VSNL1: variants seen among roughly 807,000 people sequenced by gnomAD.
The protein encoded by VSNL1 is visinin-like protein 1.
VSNL1 carries 6 observed loss-of-function variants against 20.4 expected under a neutral mutation model. That is an observed-to-expected ratio of 0.29 (90% confidence interval 0.16 to 0.58). The LOEUF is 0.58. Ranked by LOEUF, VSNL1 falls within the 20% of genes least tolerant of loss-of-function variation. VSNL1 has a pLI of 0.90. For synonymous variants in VSNL1, 93 were observed against 86.4 expected, an observed-to-expected ratio of 1.08 and a Z score of -0.42; for missense variants, 100 against 234.5, an observed-to-expected ratio of 0.43 and a Z score of 3.75.
intron 2 of VSNL1, among the ~76,000 whole-genome samples, chr2:17,625,109 C>T (rs920794860): frequency 6.6e-6 from 1 of 152,138 alleles, no homozygotes; most frequent in Non-Finnish European, 1.5e-5. Flanking sequence ...CAGGGGTTTC[C>T]GCTTTTGCAT....
intron 2 of VSNL1, 125 bp downstream of exon 2, chr2:17,592,361 TC>T: frequency 9.7e-7 from 1 of 1,034,594 alleles, no homozygotes; most frequent in Non-Finnish European, 1.4e-6. Flanking sequence ...CTGTTTTCCA[TC>T]CAGAAAGAAA....
At chr2:17,621,557 C>G (rs1275117530) in intron 2 of VSNL1, among the ~76,000 whole-genome samples, 3 of 152,158 alleles carry the variant, frequency 2.0e-5, no homozygotes, top group African/African-American at 4.8e-5. Context: ...CTCCTGACCT[C>G]AAGTTATCTG....
chr2:17,553,199 C>A (rs985156382), intron 1 of VSNL1, among the ~76,000 whole-genome samples: 1 of 152,066 alleles, frequency 6.6e-6, no homozygotes, highest in African/African-American at 2.4e-5. Flanking sequence ...GAGAGCACTC[C>A]CATTTTGTTC....
chr2:17,656,587 G>A lies in VSNL1; in HGVS notation c.*1193G>A, dbSNP rs1158684198. 6.6e-6 allele frequency: 1 copy of A among 150,990 alleles called. No homozygotes were observed. The highest frequency in any genetic ancestry group is 2.5e-5 in the African/African-American group (1 of 40,302). The allele number at this position is 150,990 out of a possible 1,614,324, so 9.4% of individuals were successfully genotyped here. A position where few individuals can be genotyped will look rare whatever the true frequency, so the allele number is the denominator to read the frequency against. Reference sequence around the variant, plus strand: ...AAGTAGGCAAAAAATAACAGAAGTAGCTATTTTTAATAACAGAACAGAACT... The same window carrying A: ...AAGTAGGCAAAAAATAACAGAAGTAACTATTTTTAATAACAGAACAGAACT... On this transcript the variant is annotated 3_prime_UTR_variant, in exon 4 of 4. Coordinates refer to ENST00000295156, the MANE Select transcript of VSNL1 (RefSeq NM_003385.5).
chr2:17,593,434 T>C (rs4510229), intron 2 of VSNL1, among the ~76,000 whole-genome samples: 16,706 of 152,198 alleles, frequency 0.11, 1,185 homozygotes, highest in African/African-American at 0.2. Context: ...TTTAAAAATG[T>C]GTTTTATAGG....
At chr2:17,579,712 C>A (rs992042309) in intron 1 of VSNL1, among the ~76,000 whole-genome samples, 3 of 152,300 alleles carry the variant, frequency 2.0e-5, no homozygotes, top group South Asian at 4.1e-4. Context: ...GTCCAATGAA[C>A]TTATCAAAGC....
chr2:17,575,099 A>T (rs1390727253), intron 1 of VSNL1, among the ~76,000 whole-genome samples: 1 of 152,154 alleles, frequency 6.6e-6, no homozygotes, highest in Non-Finnish European at 1.5e-5. Flanking sequence ...AAGTGCTGGG[A>T]TTACAGGCAT....
chr2:17,579,340 C>G (rs1320302732), intron 1 of VSNL1, among the ~76,000 whole-genome samples: 1 of 152,114 alleles, frequency 6.6e-6, no homozygotes, highest in Non-Finnish European at 1.5e-5. Flanking sequence ...TAGTGTCGAT[C>G]TCCTGACCTC....
At chr2:17,584,271 T>A (rs568986043) in intron 1 of VSNL1, among the ~76,000 whole-genome samples, 2 of 151,892 alleles carry the variant, frequency 1.3e-5, no homozygotes, top group East Asian at 3.9e-4. Flanking sequence ...GGAAACTGAG[T>A]CTGAGTAGAA....
chr2:17,569,289 A>G lies in VSNL1; in HGVS notation c.-5-22781A>G, dbSNP rs144397276. Among the ~76,000 whole-genome samples the G allele has an allele frequency of 1.2e-4, 18 of 152,052 alleles. No homozygotes were observed. The East Asian group carries it at 3.5e-3, about 29-fold the overall frequency. ...ACAACTGTACTCCAGCCTGGGCAAC[A>G]GAGCGAGACCCTGTCTCAAAAAAAA... On this transcript the variant is annotated intron_variant, in intron 1 of 3. Transcript: ENST00000295156.
intron 3 of VSNL1, among the ~76,000 whole-genome samples, chr2:17,650,927 C>A (rs2103431774): frequency 6.6e-6 from 1 of 152,294 alleles, no homozygotes; most frequent in Non-Finnish European, 1.5e-5. Context: ...CTTGTGTTCC[C>A]TTCATTCAAT....
Position 17,655,128 on chromosome 2 carries a change from G to A in VSNL1, c.379-69G>A. The A allele has an allele frequency of 6.6e-7, 1 of 1,525,544 alleles. No homozygotes were observed. The highest frequency in any genetic ancestry group is 1.7e-5 in the Admixed American group (1 of 58,118). 94.5% of individuals were successfully genotyped at this position (1,525,544 alleles called of 1,614,324 possible). A position where few individuals can be genotyped will look rare whatever the true frequency, so the allele number is the denominator to read the frequency against. On this transcript the variant is annotated intron_variant, in intron 3 of 3. Coordinates refer to ENST00000295156, the MANE Select transcript of VSNL1 (RefSeq NM_003385.5). This position sits in a 1 kb window ranked among gnomAD's most constrained non-coding sequence, Gnocchi z 5.2. ...TGGGTGGGATCCCGTCAGGTGAAAG[G>A]GAGGCAAGAAGAGCTCTCTGTCCTC...
At chr2:17,566,800 T>G (rs1204933335) in intron 1 of VSNL1, among the ~76,000 whole-genome samples, 1 of 152,170 alleles carries the variant, frequency 6.6e-6, no homozygotes, top group African/African-American at 2.4e-5. Context: ...ATTTTTGAGA[T>G]TGGTGTGAGG....
intron 1 of VSNL1, among the ~76,000 whole-genome samples, chr2:17,573,147 G>T (rs186237922): frequency 6.6e-6 from 1 of 151,716 alleles, no homozygotes; most frequent in African/African-American, 2.4e-5. Flanking sequence ...CGACAAGTGC[G>T]TACTATGCTG....
intron 2 of VSNL1, among the ~76,000 whole-genome samples, chr2:17,610,860 C>T (rs1449085722): frequency 1.3e-5 from 2 of 152,130 alleles, no homozygotes; most frequent in Non-Finnish European, 2.9e-5. Context: ...ATGCTTTGAT[C>T]CAGTAGTGCC....
At chr2:17,636,779 A>T (rs1364679027) in intron 2 of VSNL1, among the ~76,000 whole-genome samples, 4 of 151,768 alleles carry the variant, frequency 2.6e-5, no homozygotes, top group African/African-American at 9.7e-5. Flanking sequence ...TCCTTATGTG[A>T]TTGGCATTTG....
chr2:17,607,081 T>A (rs1256186278), intron 2 of VSNL1, among the ~76,000 whole-genome samples: 3 of 152,252 alleles, frequency 2.0e-5, no homozygotes, highest in Admixed American at 2.0e-4. Context: ...CTGGGCCACA[T>A]GCTGTGTGGG....
intron 2 of VSNL1, among the ~76,000 whole-genome samples, chr2:17,641,265 C>T (rs187694584): frequency 1.3e-5 from 2 of 152,330 alleles, no homozygotes; most frequent in African/African-American, 2.4e-5. Context: ...TCAGTTGGAG[C>T]GAGTGAAGAC....
chr2:17,611,661 G>A (rs899931790), intron 2 of VSNL1, among the ~76,000 whole-genome samples: 3 of 152,170 alleles, frequency 2.0e-5, no homozygotes, highest in Admixed American at 6.5e-5. Context: ...AGAGGACAGT[G>A]GTGGCTCAAG....
Sources: allele counts gnomAD v4.1 joint callset (sites outside exome capture counted in the v4.1 genomes callset), GRCh38; gene constraint gnomAD v4.1.1; non-coding constraint Gnocchi (gnomAD v3.1); transcripts MANE v1.5; gene names NCBI Gene and HGNC (gene_info 2026-07-23, HGNC 2026-07-21).